The following ZNF362 variants were observed in gnomAD, a reference collection of about 807,000 sequenced individuals.
ZNF362 encodes rotund homolog.
In ZNF362, 11 loss-of-function variants were observed where a neutral mutation model predicts 42.9. That is an observed-to-expected ratio of 0.26 (90% CI 0.16 to 0.42). ZNF362 has a LOEUF of 0.42. Among genes scored for constraint, ZNF362 ranks in the 20% least tolerant of loss-of-function variants. The pLI, the probability that ZNF362 is intolerant of heterozygous loss-of-function variation, is 1.00. For synonymous variants in ZNF362, 255 were observed against 257.3 expected (o/e 0.99, Z 0.09); for missense variants, 362 against 576.2 (o/e 0.63, Z 3.81).
the ZNF362 span, among the ~76,000 whole-genome samples, chr1:33,228,757 C>A: frequency 6.6e-6 from 1 of 152,168 alleles, no homozygotes; most frequent in Non-Finnish European, 1.5e-5. Flanking sequence ...GACCTCCCTG[C>A]TTCCAACTTT....
the ZNF362 span, among the ~76,000 whole-genome samples, chr1:33,174,105 T>C: frequency 6.6e-6 from 1 of 152,176 alleles, no homozygotes; most frequent in South Asian, 2.1e-4. Context: ...TACATTTATA[T>C]TCTTTTCCCC....
Position 33,283,957 on chromosome 1 carries a change from A to G in ZNF362, c.908+2146A>G, listed in dbSNP as rs571241576. ...GTTCTTAAAGAGCATTTGATAGAAA[A>G]GCTTGAGAGTTAACTCTGTTAGGAG... On this transcript the variant is annotated intron_variant, in intron 6 of 8. Transcript: ENST00000539719. 3.8e-4 allele frequency among the ~76,000 whole-genome samples: 58 copies of G among 152,348 alleles called. No individual in the cohort carries two copies. In the Middle Eastern group the frequency reaches 0.02, roughly 54 times the overall value.
the ZNF362 span, among the ~76,000 whole-genome samples, chr1:33,191,771 C>A: frequency 6.6e-6 from 1 of 152,228 alleles, no homozygotes; most frequent in African/African-American, 2.4e-5. Context: ...TCCCAAAGTG[C>A]TGGGATTACA....
the ZNF362 span, among the ~76,000 whole-genome samples, chr1:33,236,550 A>AAATAT: frequency 5.0e-4 from 3 of 5,980 alleles, no homozygotes; most frequent in African/African-American, 1.2e-3. Context: ...AAAAAAAAAA[A>AAATAT]ATATATATAT....
At chr1:33,200,207 A>T in the ZNF362 span, 1 of 152,216 alleles carries the variant, frequency 6.6e-6, no homozygotes, top group Non-Finnish European at 1.5e-5. Context: ...GCTGTGACAA[A>T]ATACCTTAGG....
chr1:33,250,858 A>AGAAGAAGAAGAAGAG, the ZNF362 span, among the ~76,000 whole-genome samples: 2 of 141,486 alleles, frequency 1.4e-5, no homozygotes, highest in African/African-American at 5.5e-5. Context: ...AGAAGGAAGA[A>AGAAGAAGAAGAAGAG]GAAGAAGAAG....
At chr1:33,256,194 G>A (rs1365290419), upstream of ZNF362, among the ~76,000 whole-genome samples, 20 of 142,888 alleles carry the variant, frequency 1.4e-4, no homozygotes, top group African/African-American at 5.1e-4. Flanking sequence ...CGGCGGCGGC[G>A]ACGGCGAGCG....
intron 6 of ZNF362, among the ~76,000 whole-genome samples, chr1:33,284,718 A>G (rs1646019809): frequency 6.6e-6 from 1 of 152,134 alleles, no homozygotes; most frequent in East Asian, 1.9e-4. Flanking sequence ...TCCTAAATTG[A>G]GGATTAGCGA....
the ZNF362 span, chr1:33,158,481 A>T: frequency 3.9e-6 from 3 of 772,284 alleles, no homozygotes; most frequent in South Asian, 4.7e-5. Flanking sequence ...CATGAGTGAG[A>T]AGTCTGTGGG....
chr1:33,210,224 T>C, the ZNF362 span, among the ~76,000 whole-genome samples: 2 of 152,236 alleles, frequency 1.3e-5, no homozygotes, highest in African/African-American at 4.8e-5. Flanking sequence ...AGTTTCCATG[T>C]AGTTGTGCAG....
chr1:33,290,918 T>G (rs1011229841), intron 6 of ZNF362, among the ~76,000 whole-genome samples: 22 of 152,350 alleles, frequency 1.4e-4, no homozygotes, highest in Middle Eastern at 6.8e-3. Flanking sequence ...GTTGTTTGTT[T>G]TTTTCTTGTA....
the ZNF362 span, among the ~76,000 whole-genome samples, chr1:33,213,797 A>T: frequency 6.6e-6 from 1 of 152,172 alleles, no homozygotes; most frequent in Non-Finnish European, 1.5e-5. Context: ...GTGAACTGAG[A>T]TCACGCCACT....
Position 33,290,924 on chromosome 1 carries a change from T to C in ZNF362, c.909-4013T>C, listed in dbSNP as rs534480662. 7.2e-4 allele frequency among the ~76,000 whole-genome samples: 109 copies of C among 152,356 alleles called. 1 individual carries two copies. The highest frequency in any genetic ancestry group is 2.6e-3 in the African/African-American group (108 of 41,588). On this transcript the variant is annotated intron_variant, in intron 6 of 8. Coordinates refer to ENST00000539719, the MANE Select transcript of ZNF362 (RefSeq NM_152493.3). The stretch of plus-strand genomic sequence containing the variant: ...GTTGATGGGGTTGTTTGTTTTTTTC[T>C]TGTAAATTTGTTTGAGTTCTTTGTA...
At position 33,274,852 on chromosome 1, in the gene ZNF362, A is replaced by G. The variant is rs1484461924; in HGVS notation, c.39-1248A>G. ...TCTGAGCCTCAGTTTCTTCACTGAT[A>G]AAATGGTATAATAATACCTCTTGTG... On this transcript the variant is annotated intron_variant, in intron 2 of 8. Coordinates refer to ENST00000539719, the MANE Select transcript of ZNF362 (RefSeq NM_152493.3). The G allele has an allele frequency of 1.2e-5, 9 of 759,608 alleles. No individual in the cohort carries two copies. In the African/African-American group the frequency reaches 1.3e-4, roughly 11 times the overall value. The allele number at this position is 759,608 out of a possible 1,614,324, so 47.1% of individuals were successfully genotyped here.
the ZNF362 span, among the ~76,000 whole-genome samples, chr1:33,213,759 C>T: frequency 4.6e-5 from 7 of 152,104 alleles, no homozygotes; most frequent in South Asian, 8.3e-4. Flanking sequence ...GCAGGAGAAT[C>T]GCTTGAACCC....
the ZNF362 span, among the ~76,000 whole-genome samples, chr1:33,199,332 T>A: frequency 6.7e-6 from 1 of 148,214 alleles, no homozygotes; most frequent in Non-Finnish European, 1.5e-5. Context: ...GATTTTTTTT[T>A]ATTATAAACA....
the ZNF362 span, chr1:33,158,220 C>T: frequency 6.3e-7 from 1 of 1,595,924 alleles, no homozygotes; most frequent in Non-Finnish European, 8.6e-7. Context: ...ACATGCCCCA[C>T]CTAGCTCTGG....
At chr1:33,295,090 AG>A (rs1323018874) in intron 7 of ZNF362, 56 bp from the exon 8 acceptor site, 17 of 1,612,760 alleles carry the variant, frequency 1.1e-5, no homozygotes, top group Non-Finnish European at 1.4e-5. Flanking sequence ...AAGCGTAGGA[AG>A]GGGGTGGGGT....
chr1:33,209,301 G>T, the ZNF362 span, among the ~76,000 whole-genome samples: 1 of 152,192 alleles, frequency 6.6e-6, no homozygotes, highest in East Asian at 1.9e-4. Flanking sequence ...GCTTTTAGAT[G>T]TGCTGCTGGA....
Sources: gnomAD v4.1 joint callset for allele counts (sites outside exome capture counted in the v4.1 genomes callset) on GRCh38, gnomAD v4.1.1 for gene constraint, MANE v1.5 for transcripts, NCBI Gene and HGNC (gene_info 2026-07-23, HGNC 2026-07-21) for gene names.